Variants in MEIOC observed in about 807,000 individuals in gnomAD.
MEIOC encodes meiosis-specific coiled-coil domain-containing protein MEIOC.
In MEIOC, 9 loss-of-function variants were observed where a neutral mutation model predicts 85.3. The observed-to-expected ratio is 0.11, with a 90% confidence interval of 0.06 to 0.18. MEIOC has a LOEUF of 0.18. Ranked by LOEUF, MEIOC falls within the 10% of genes least tolerant of loss-of-function variation. The pLI is 1.00. For synonymous variants in MEIOC, 365 were observed against 393.7 expected (o/e 0.93, Z 0.86); for missense variants, 898 against 1,129.4 (o/e 0.80, Z 2.94).
intron 5 of MEIOC, among the ~76,000 whole-genome samples, chr17:44,669,134 C>T (rs1020336189): frequency 5.9e-5 from 9 of 151,728 alleles, no homozygotes; most frequent in Non-Finnish European, 1.2e-4. Flanking sequence ...ACCCGGGAAA[C>T]GGAGGTTACA....
chr17:44,661,590 C>T (rs1360849939), intron 2 of MEIOC, among the ~76,000 whole-genome samples: 1 of 152,066 alleles, frequency 6.6e-6, no homozygotes, highest in South Asian at 2.1e-4. Flanking sequence ...CTCGCTCTGT[C>T]GCCCAGGATG....
intron 2 of MEIOC, among the ~76,000 whole-genome samples, chr17:44,661,830 C>T (rs1971846718): frequency 6.6e-6 from 1 of 152,126 alleles, no homozygotes; most frequent in Admixed American, 6.6e-5. Flanking sequence ...AGGCTTGAGC[C>T]ACCGCGCCTG....
In MEIOC at chr17:44,656,482, C is replaced by A. The variant is rs1282683122; in HGVS notation, c.-132C>A. The A allele has an allele frequency of 1.5e-6, 1 of 681,578 alleles. No homozygotes were observed. The highest frequency in any genetic ancestry group is 4.5e-4 in the Middle Eastern group (1 of 2,216). The allele number at this position is 681,578 out of a possible 1,614,324, so 42.2% of individuals were successfully genotyped here. The stretch of plus-strand genomic sequence containing the variant: ...CCCTTACCCGCACACTGGCTCCAGG[C>A]AGCGCCCGGGCGGCGGAGGCGGCTG... On this transcript the variant is annotated 5_prime_UTR_variant, in exon 1 of 8. Transcript: ENST00000409122.
intron 2 of MEIOC, among the ~76,000 whole-genome samples, chr17:44,660,508 A>G (rs972954044): frequency 1.3e-5 from 2 of 151,904 alleles, no homozygotes; most frequent in African/African-American, 4.8e-5. Flanking sequence ...AAGTGCTGGG[A>G]TTACAGGTGT....
intron 6 of MEIOC, 49 bp from the exon 7 acceptor site, chr17:44,673,317 A>G (rs1457989565): frequency 7.3e-7 from 1 of 1,362,400 alleles, no homozygotes; most frequent in South Asian, 1.5e-5. Flanking sequence ...GTTTTTACTT[A>G]AGTTAATGGC....
chr17:44,658,481 G>C (rs1162082752), intron 2 of MEIOC, among the ~76,000 whole-genome samples: 1 of 150,398 alleles, frequency 6.6e-6, no homozygotes, highest in Non-Finnish European at 1.5e-5. Flanking sequence ...AGTGTTTGCA[G>C]AATACATACT....
At position 44,656,557 on chromosome 17, in the gene MEIOC, C is replaced by A. The variant is rs1971757503; in HGVS notation, c.-57C>A. 1 of 1,304,588 alleles carries A rather than the reference C, an allele frequency of 7.7e-7. No homozygotes were observed. The highest frequency in any genetic ancestry group is 1.0e-6 in the Non-Finnish European group (1 of 1,000,582). The allele number at this position is 1,304,588 out of a possible 1,614,324, so 80.8% of individuals were successfully genotyped here. On this transcript the variant is annotated 5_prime_UTR_variant, in exon 1 of 8. Transcript: ENST00000409122. ...GGGAGCCGGGCCTGGACGCCCCCCCCATCACCCCCGTACCCCAGGAGCTGT... is the reference window on the plus strand; with the variant it reads ...GGGAGCCGGGCCTGGACGCCCCCCCAATCACCCCCGTACCCCAGGAGCTGT...
chr17:44,659,147 A>G (rs149968019), intron 2 of MEIOC, among the ~76,000 whole-genome samples: 131 of 152,310 alleles, frequency 8.6e-4, no homozygotes, highest in African/African-American at 3.0e-3. Context: ...CAGGACATCA[A>G]TGTTGATATT....
At chr17:44,657,865 T>G (rs543117286) in intron 2 of MEIOC, among the ~76,000 whole-genome samples, 1 of 150,250 alleles carries the variant, frequency 6.7e-6, no homozygotes, top group African/African-American at 2.5e-5. Context: ...TTTGTTTTGT[T>G]TTTTGAGACG....
rs1971768981 is a variant in MEIOC, at chr17:44,657,045, G to A, written c.70-82G>A. On this transcript the variant is annotated intron_variant, in intron 1 of 7. Transcript: ENST00000409122. The stretch of plus-strand genomic sequence containing the variant: ...TTCGGAATTGAGCCGAACAGCCGAG[G>A]TAGAACAGGTGTCGGGCCGTTTCAG... 7 of 1,457,060 alleles carry A rather than the reference G, an allele frequency of 4.8e-6. No homozygotes were observed. The Admixed American group carries it at 1.0e-4, about 21-fold the overall frequency. 90.3% of individuals were successfully genotyped at this position (1,457,060 alleles called of 1,614,324 possible).
chr17:44,675,773 G>GA lies in MEIOC; in HGVS notation c.*1584dup. 2 of 953,194 alleles carry GA rather than the reference G, an allele frequency of 2.1e-6. No individual in the cohort carries two copies. Among genetic ancestry groups the GA allele is most frequent in the Non-Finnish European group, 2.5e-6 (2 of 800,822 alleles). 59.0% of individuals were successfully genotyped at this position (953,194 alleles called of 1,614,324 possible). ...AATACTGTACTGAATTTAGTCTCAGGAAAAAAATAAATTACTTTGTTGAAA... is the reference window on the plus strand; with the variant it reads ...AATACTGTACTGAATTTAGTCTCAGGAAAAAAAATAAATTACTTTGTTGAAA... On this transcript the variant is annotated 3_prime_UTR_variant, in exon 8 of 8. Coordinates refer to ENST00000409122, the MANE Select transcript of MEIOC (RefSeq NM_001145080.3).
At chr17:44,673,704 T>A (rs997874415) in intron 7 of MEIOC, 158 bp downstream of exon 7, 1 of 752,114 alleles carries the variant, frequency 1.3e-6, no homozygotes, top group Non-Finnish European at 2.1e-6. Flanking sequence ...CCAAAAGTAT[T>A]TCCATTTTAT....
At position 44,665,494 on chromosome 17, in the gene MEIOC, T is replaced by C; in HGVS notation, c.464+6T>C. ...CAGCCATATTTTGCTGAAGGGTTAG[T>C]ATATAATCTATATAGTATATAACAG... On this transcript the variant is annotated splice_donor_region_variant and intron_variant, in intron 4 of 7. Transcript: ENST00000409122. The C allele has an allele frequency of 6.9e-7, 1 of 1,444,328 alleles. No homozygotes were observed. Among genetic ancestry groups the C allele is most frequent in the Non-Finnish European group, 9.4e-7 (1 of 1,058,516 alleles). The allele number at this position is 1,444,328 out of a possible 1,614,324, so 89.5% of individuals were successfully genotyped here.
chr17:44,666,882 A>G lies in MEIOC; in HGVS notation c.971A>G (p.Asp324Gly). The G allele has an allele frequency of 6.2e-7, 1 of 1,609,350 alleles. No individual in the cohort carries two copies. Among genetic ancestry groups the G allele is most frequent in the Non-Finnish European group, 8.5e-7 (1 of 1,177,378 alleles). ...TTTAATAGATACAATGAAAATGTAGATTATTGTAGATACCCAGAGTATGTT... is the reference window on the plus strand; with the variant it reads ...TTTAATAGATACAATGAAAATGTAGGTTATTGTAGATACCCAGAGTATGTT... The part of the protein sequence containing the change: ...SQFNRYNENV[D>G]YCRYPEYVHP... Residue 324 changes from aspartate to glycine, a missense_variant, in exon 5 of 8, where the codon GAT becomes GGT. Physicochemically the swap from Asp to Gly is moderately conservative, Grantham distance 94. Transcript: ENST00000409122.
At position 44,674,646 on chromosome 17, in the gene MEIOC, A is replaced by C. The variant is rs2144679401; in HGVS notation, c.*450A>C. Reference sequence around the variant, plus strand: ...AGACAAGTTTTGATTGTGATATCAAAGTGTTTTCCTTACAAAACTGGATAA... The same window carrying C: ...AGACAAGTTTTGATTGTGATATCAACGTGTTTTCCTTACAAAACTGGATAA... On this transcript the variant is annotated 3_prime_UTR_variant, in exon 8 of 8. Coordinates refer to ENST00000409122, the MANE Select transcript of MEIOC (RefSeq NM_001145080.3). 1 of 988,064 alleles carries C rather than the reference A, an allele frequency of 1.0e-6. No homozygotes were observed. Among genetic ancestry groups the C allele is most frequent in the South Asian group, 4.6e-5 (1 of 21,620 alleles). The allele number at this position is 988,064 out of a possible 1,614,324, so 61.2% of individuals were successfully genotyped here.
rs1432591264 is a variant in MEIOC at position 44,674,070 on chromosome 17, A to G, written c.2733A>G (p.Pro911=). The G allele has an allele frequency of 3.9e-6, 6 of 1,551,702 alleles. No individual in the cohort carries two copies. The highest frequency in any genetic ancestry group is 4.4e-6 in the Non-Finnish European group (5 of 1,146,968). ...ALWCALQMTL[P]KTASTADVVK... is the part of the protein sequence containing the mutation. Reference sequence around the variant, plus strand: ...GGTGTGCACTGCAGATGACCTTGCCAAAAACAGCCAGTACAGCTGATGTGG... The same window carrying G: ...GGTGTGCACTGCAGATGACCTTGCCGAAAACAGCCAGTACAGCTGATGTGG... The change falls in exon 8 of 8, where the codon CCA becomes CCG. Residue 911 remains proline, a synonymous_variant. Coordinates refer to ENST00000409122, the MANE Select transcript of MEIOC (RefSeq NM_001145080.3).
Position 44,662,482 on chromosome 17 carries a change from T to G in MEIOC, c.359+11T>G. ...CAGTATAAAGAACAGGTAAATTAAT[T>G]CATTTCTCAAGGTAATTGAGGTATT... is the stretch of plus-strand genomic sequence containing the variant. On this transcript the variant is annotated intron_variant, in intron 3 of 7. Transcript: ENST00000409122. 6.7e-7 allele frequency: 1 copy of G among 1,499,068 alleles called. No homozygotes were observed. Among genetic ancestry groups the G allele is most frequent in the Non-Finnish European group, 9.0e-7 (1 of 1,116,084 alleles). The allele number at this position is 1,499,068 out of a possible 1,614,324, so 92.9% of individuals were successfully genotyped here.
rs532043432 is a variant in MEIOC at position 44,667,844 on chromosome 17, A to C, written c.1933A>C (p.Asn645His). 12 of 1,613,982 alleles carry C rather than the reference A, an allele frequency of 7.4e-6. No individual in the cohort carries two copies. In the South Asian group the frequency reaches 1.3e-4, roughly 18 times the overall value. The change falls in exon 5 of 8, where the codon AAT becomes CAT. Residue 645 changes from asparagine (N) to histidine (H), a missense_variant. Coordinates refer to ENST00000409122, the MANE Select transcript of MEIOC (RefSeq NM_001145080.3). ...TCTACTGGAGTCACAGGGTCATTCTAATAGCCACAGAACGAGAGGTGGAGA... is the reference window on the plus strand; with the variant it reads ...TCTACTGGAGTCACAGGGTCATTCTCATAGCCACAGAACGAGAGGTGGAGA... ...QDLLESQGHS[N>H]SHRTRGGDNS...
intron 6 of MEIOC, chr17:44,670,621 C>G (rs1259758638): frequency 3.5e-5 from 5 of 141,600 alleles, no homozygotes. Flanking sequence ...CTCACTGTAG[C>G]CTTGACCTTC....
Sources: allele counts gnomAD v4.1 joint callset (sites outside exome capture counted in the v4.1 genomes callset), GRCh38; gene constraint gnomAD v4.1.1; transcripts MANE v1.5; gene names NCBI Gene and HGNC (gene_info 2026-07-23, HGNC 2026-07-21).